Variants in KCNU1 observed in about 807,000 individuals in gnomAD.
KCNU1 encodes potassium calcium-activated channel subfamily U member 1, also known as potassium channel subfamily U member 1.
KCNU1 carries 93 observed loss-of-function variants against 126.8 expected under a neutral mutation model. The observed-to-expected ratio is 0.73, with a 90% CI of 0.62 to 0.87. KCNU1 has a LOEUF of 0.87. KCNU1 is among the 40% of genes least tolerant of loss of function. The pLI, the probability that KCNU1 is intolerant of heterozygous loss-of-function variation, is 0.00. For synonymous variants in KCNU1, 523 were observed against 494.2 expected (o/e 1.06, Z -0.77); for missense variants, 1,330 against 1,367.1 (o/e 0.97, Z 0.43).
At chr8:36,898,351 A>G (rs1319224160) in intron 19 of KCNU1, among the ~76,000 whole-genome samples, 1 of 151,940 alleles carries the variant, frequency 6.6e-6, no homozygotes, top group Non-Finnish European at 1.5e-5. Context: ...GATGGGTGCT[A>G]TTGTTTCCAG....
At chr8:36,825,923 A>G (rs868469664) in intron 10 of KCNU1, among the ~76,000 whole-genome samples, 1 of 152,188 alleles carries the variant, frequency 6.6e-6, no homozygotes, top group South Asian at 2.1e-4. Flanking sequence ...TTGTTGAAAG[A>G]GCTATCTTTT....
At chr8:36,875,081 T>TA (rs923493687) in intron 19 of KCNU1, among the ~76,000 whole-genome samples, 9 of 151,800 alleles carry the variant, frequency 5.9e-5, no homozygotes, top group African/African-American at 9.7e-5. Context: ...AAAAGCTAGT[T>TA]AAAAAAAATC....
At chr8:36,883,142 T>G (rs1376353847) in intron 19 of KCNU1, among the ~76,000 whole-genome samples, 1 of 152,186 alleles carries the variant, frequency 6.6e-6, no homozygotes. Flanking sequence ...GGCTGAACAA[T>G]CAGTGAATTA....
chr8:36,934,286 A>G (rs1429889140), intron 26 of KCNU1, among the ~76,000 whole-genome samples: 1 of 152,152 alleles, frequency 6.6e-6, no homozygotes, highest in African/African-American at 2.4e-5. Context: ...GCATGTAAAA[A>G]GATGGCTGCA....
intron 19 of KCNU1, among the ~76,000 whole-genome samples, chr8:36,895,446 A>G (rs930872657): frequency 1.3e-5 from 2 of 152,082 alleles, no homozygotes; most frequent in African/African-American, 4.8e-5. Context: ...TGTGCTGTCA[A>G]CCACTATTTC....
At position 36,934,614 on chromosome 8, in the gene KCNU1, T is replaced by C. The variant is rs75692551; in HGVS notation, c.3045-901T>C. On this transcript the variant is annotated intron_variant, in intron 26 of 26. Coordinates refer to ENST00000399881, the MANE Select transcript of KCNU1 (RefSeq NM_001031836.3). ...AGAATATGTGATCTTGTTCAGCTGA[T>C]GTTTTTAAAAATAGAATTGAGGCTA... Among the ~76,000 whole-genome samples the C allele has an allele frequency of 8.4e-3, 1,278 of 152,294 alleles. 79 individuals are homozygous for C. In the East Asian group the frequency reaches 0.17, roughly 21 times the overall value.
chr8:36,837,973 T>C (rs1317820530), intron 14 of KCNU1, among the ~76,000 whole-genome samples: 1 of 152,236 alleles, frequency 6.6e-6, no homozygotes, highest in African/African-American at 2.4e-5. Flanking sequence ...TCCCTGGTGC[T>C]ATTTAACGAA....
chr8:36,910,022 AT>A (rs1438543472), intron 21 of KCNU1, among the ~76,000 whole-genome samples: 2 of 152,012 alleles, frequency 1.3e-5, no homozygotes, highest in Admixed American at 1.3e-4. Flanking sequence ...GAGAGGAGGG[AT>A]TTTACTTATG....
Position 36,836,370 on chromosome 8 carries a change from A to T in KCNU1, c.1365+5A>T, listed in dbSNP as rs757430131. 1.9e-6 allele frequency: 3 copies of T among 1,565,080 alleles called. No homozygotes were observed. Among genetic ancestry groups the T allele is most frequent in the Non-Finnish European group, 1.8e-6 (2 of 1,137,436 alleles). The stretch of plus-strand genomic sequence containing the variant: ...ATACTGCAATCCCATAACAAGGTAT[A>T]GTAACATTCTAGCATATTCCATCTC... On this transcript the variant is annotated splice_donor_5th_base_variant and intron_variant, in intron 13 of 26. Transcript: ENST00000399881.
At chr8:36,897,315 C>G (rs577006509) in intron 19 of KCNU1, among the ~76,000 whole-genome samples, 16 of 152,028 alleles carry the variant, frequency 1.1e-4, no homozygotes, top group Admixed American at 9.8e-4. Context: ...CATTCTCTCT[C>G]TTTTTCTCTG....
chr8:36,839,678 T>C (rs1294420595), intron 14 of KCNU1, among the ~76,000 whole-genome samples: 2 of 152,182 alleles, frequency 1.3e-5, no homozygotes, highest in Non-Finnish European at 2.9e-5. Context: ...TAACTCTCCA[T>C]AGCAACAGTG....
At chr8:36,845,477 A>C (rs1805108174) in intron 16 of KCNU1, 103 bp from the exon 17 acceptor site, 1 of 666,456 alleles carries the variant, frequency 1.5e-6, no homozygotes, top group Non-Finnish European at 2.6e-6. Context: ...ATACGATTAA[A>C]TTAGCAACTC....
At chr8:36,926,946 C>T (rs185275789) in intron 24 of KCNU1, among the ~76,000 whole-genome samples, 2 of 152,184 alleles carry the variant, frequency 1.3e-5, no homozygotes, top group African/African-American at 4.8e-5. Context: ...GATGAGAACA[C>T]CAGCCATTAC....
chr8:36,924,919 GTTGA>G (rs976426706), intron 24 of KCNU1, among the ~76,000 whole-genome samples: 7 of 152,262 alleles, frequency 4.6e-5, no homozygotes, highest in African/African-American at 1.7e-4. Flanking sequence ...TTTATTTAGA[GTTGA>G]TCAGAAGGGC....
intron 8 of KCNU1, 43 bp downstream of exon 8, chr8:36,814,420 C>G (rs1803835513): frequency 2.2e-6 from 3 of 1,376,234 alleles, no homozygotes; most frequent in Non-Finnish European, 3.0e-6. Flanking sequence ...GCTACATAAA[C>G]CAGAAATATT....
chr8:36,811,248 A>T (rs1299509341), intron 7 of KCNU1, among the ~76,000 whole-genome samples: 2 of 152,214 alleles, frequency 1.3e-5, no homozygotes, highest in Admixed American at 1.3e-4. Flanking sequence ...ATGTTTTAAA[A>T]CAAGGTGTTG....
At chr8:36,917,688 G>A (rs1235497451) in intron 22 of KCNU1, among the ~76,000 whole-genome samples, 1 of 151,944 alleles carries the variant, frequency 6.6e-6, no homozygotes, top group African/African-American at 2.4e-5. Context: ...TACATTTTTA[G>A]TTTAAGTTGG....
chr8:36,840,509 A>G lies in KCNU1; in HGVS notation c.1565A>G (p.Lys522Arg), dbSNP rs776529404. 10 of 1,612,802 alleles carry G rather than the reference A, an allele frequency of 6.2e-6. No homozygotes were observed. Among genetic ancestry groups the G allele is most frequent in the Non-Finnish European group, 4.2e-6 (5 of 1,179,244 alleles). The change falls in exon 15 of 27, where the codon AAA (lysine) becomes AGA (arginine). Residue 522 changes from lysine to arginine, a missense_variant. Around this residue, in one of 3 missense-constraint regions of KCNU1, gnomAD observed 1,054 missense variants for 1,053.9 expected, o/e 1.00. Coordinates refer to ENST00000399881, the MANE Select transcript of KCNU1 (RefSeq NM_001031836.3). ...TWKKHFLNSM[K>R]NKILTQRLSD... ...AAGAAACACTTCTTGAATAGCATGA[A>G]AAACAAAATTCTGACCCAACGTCTC...
In KCNU1 at chr8:36,785,003, A is replaced by T. The variant is rs1423817447; in HGVS notation, c.195+398A>T. On this transcript the variant is annotated intron_variant, in intron 1 of 26. Coordinates refer to ENST00000399881, the MANE Select transcript of KCNU1 (RefSeq NM_001031836.3). ...AGACATCAACATCAACCTTGCTTTC[A>T]TAAATTGTTCATGCATAATGCATAT... Among the ~76,000 whole-genome samples the T allele has an allele frequency of 2.0e-5, 3 of 152,380 alleles. No homozygotes were observed. The East Asian group carries it at 5.8e-4, about 29-fold the overall frequency.
Sources: allele counts gnomAD v4.1 joint callset (sites outside exome capture counted in the v4.1 genomes callset), GRCh38; gene constraint gnomAD v4.1.1; regional missense constraint gnomAD v4.1.1; transcripts MANE v1.5; gene names NCBI Gene and HGNC (gene_info 2026-07-23, HGNC 2026-07-21).